FCHO2: variants seen among roughly 807,000 people sequenced by gnomAD.
FCHO2 encodes the protein FCH and mu domain containing endocytic adaptor 2, also known as F-BAR domain only protein 2.
In FCHO2, 43 loss-of-function variants were observed where a neutral mutation model predicts 114.1. That is an observed-to-expected ratio of 0.38 (90% CI 0.30 to 0.49). FCHO2 has a LOEUF of 0.49. Among genes scored for constraint, FCHO2 ranks in the 20% least tolerant of loss-of-function variants. The pLI is 0.97. For missense variants in FCHO2, 807 were observed against 950.4 expected, an observed-to-expected ratio of 0.85 and a Z score of 1.98; for synonymous variants, 293 against 315.2, an observed-to-expected ratio of 0.93 and a Z score of 0.75.
At chr5:73,054,637 A>G in intron 15 of FCHO2, 88 bp downstream of exon 15, 1 of 1,003,936 alleles carries the variant, frequency 1.0e-6, no homozygotes, top group South Asian at 1.5e-5. Flanking sequence ...TGTAGAAATA[A>G]ATGATCTTTT....
chr5:72,998,310 AC>A (rs1282069792), intron 5 of FCHO2, among the ~76,000 whole-genome samples: 1 of 151,908 alleles, frequency 6.6e-6, no homozygotes, highest in African/African-American at 2.4e-5. Flanking sequence ...ACACGGTGAA[AC>A]CCCATCTCTA....
At chr5:72,967,924 A>G (rs1217142593) in intron 1 of FCHO2, among the ~76,000 whole-genome samples, 1 of 135,262 alleles carries the variant, frequency 7.4e-6, no homozygotes, top group African/African-American at 2.8e-5. Context: ...CTGGCCTCAT[A>G]CTTAATTTTT....
chr5:73,051,325 A>T, intron 11 of FCHO2, 24 bp from the exon 12 acceptor site: 2 of 1,471,660 alleles, frequency 1.4e-6, no homozygotes, highest in Non-Finnish European at 1.8e-6. Context: ...TTGTCATTAT[A>T]ATTTTTTTTT....
chr5:73,058,511 T>C lies in FCHO2; in HGVS notation c.1332T>C (p.Thr444=). ...ATTCATCTTCTTCATCTTCACTAAC[T>C]TCATCATCATCAGGTAAATATATAT... The part of the protein sequence containing the change: ...SLDSSSSSSL[T]SSSSARPTTP... The change falls in exon 17 of 26, where the codon ACT becomes ACC. Residue 444 remains threonine (T), a synonymous_variant. Transcript: ENST00000430046. The C allele has an allele frequency of 1.5e-6, 2 of 1,379,090 alleles. No homozygotes were observed. The highest frequency in any genetic ancestry group is 2.0e-6 in the Non-Finnish European group (2 of 989,320). 85.4% of individuals were successfully genotyped at this position (1,379,090 alleles called of 1,614,324 possible).
intron 11 of FCHO2, among the ~76,000 whole-genome samples, chr5:73,047,551 A>G (rs1195200333): frequency 6.0e-5 from 9 of 150,508 alleles, no homozygotes; most frequent in Non-Finnish European, 7.4e-5. Context: ...TAGTTCATAG[A>G]AACTTTTTTC....
chr5:72,999,380 T>G (rs1441018313), intron 5 of FCHO2, among the ~76,000 whole-genome samples: 1 of 69,320 alleles, frequency 1.4e-5, no homozygotes, highest in Non-Finnish European at 2.3e-5. Context: ...TCACAGGCCT[T>G]TTTTTTTTTT....
chr5:73,004,108 C>G lies in FCHO2; in HGVS notation c.496-2337C>G, dbSNP rs1178855665. Among the ~76,000 whole-genome samples, 4 of 147,644 alleles carry G rather than the reference C, an allele frequency of 2.7e-5. No individual in the cohort carries two copies. In the East Asian group the frequency reaches 8.0e-4, roughly 29 times the overall value. On this transcript the variant is annotated intron_variant, in intron 5 of 25. Coordinates refer to ENST00000430046, the MANE Select transcript of FCHO2 (RefSeq NM_138782.3). Reference sequence around the variant, plus strand: ...AAGGACTGTAGGTCGTTTGATTGCTCTTATACTCACTGAAAATACAGGTAT... The same window carrying G: ...AAGGACTGTAGGTCGTTTGATTGCTGTTATACTCACTGAAAATACAGGTAT...
rs144549220 is a variant in FCHO2 at position 73,059,260 on chromosome 5, C to T, written c.1345+736C>T. ...GGGTTAAGGAAGCGCTGGAATCATG[C>T]GGGAAGAACTTAAATCTGTCTAGTT... On this transcript the variant is annotated intron_variant, in intron 17 of 25. Coordinates refer to ENST00000430046, the MANE Select transcript of FCHO2 (RefSeq NM_138782.3). Among the ~76,000 whole-genome samples, 15 of 152,224 alleles carry T rather than the reference C, an allele frequency of 9.9e-5. 3 individuals are homozygous for T. Among genetic ancestry groups the T allele is most frequent in the African/African-American group, 7.2e-5 (3 of 41,556 alleles).
intron 5 of FCHO2, among the ~76,000 whole-genome samples, chr5:72,998,579 A>G (rs1400551864): frequency 6.6e-6 from 1 of 152,004 alleles, no homozygotes; most frequent in Non-Finnish European, 1.5e-5. Flanking sequence ...TATGGGTTTC[A>G]TATCATTAAT....
intron 5 of FCHO2, 59 bp downstream of exon 5, chr5:72,990,923 C>A: frequency 6.8e-7 from 1 of 1,480,382 alleles, no homozygotes; most frequent in South Asian, 1.4e-5. Flanking sequence ...TACAAAATTG[C>A]ATTTAACATT....
intron 2 of FCHO2, among the ~76,000 whole-genome samples, chr5:72,982,081 A>C (rs144405509): frequency 6.6e-6 from 1 of 152,100 alleles, no homozygotes; most frequent in South Asian, 2.1e-4. Flanking sequence ...GGTTGCAAAG[A>C]CTGTGGGAAA....
At chr5:73,064,017 C>A (rs1167919799) in intron 18 of FCHO2, 73 bp downstream of exon 18, 9 of 1,358,050 alleles carry the variant, frequency 6.6e-6, no homozygotes, top group Non-Finnish European at 8.2e-6. Context: ...TTCTATATGC[C>A]CTTTTACAGT....
intron 24 of FCHO2, among the ~76,000 whole-genome samples, chr5:73,086,968 G>C (rs894089855): frequency 6.6e-6 from 1 of 152,104 alleles, no homozygotes; most frequent in African/African-American, 2.4e-5. Flanking sequence ...GTGCTTTTGT[G>C]CCTGTAGCTC....
chr5:72,965,618 G>A (rs1306769066), intron 1 of FCHO2, among the ~76,000 whole-genome samples: 13 of 152,208 alleles, frequency 8.5e-5, no homozygotes, highest in Admixed American at 8.5e-4. Context: ...GCACTGGAGA[G>A]CTGTCATTGC....
intron 6 of FCHO2, among the ~76,000 whole-genome samples, chr5:73,011,155 T>C (rs1754988028): frequency 6.6e-6 from 1 of 152,176 alleles, no homozygotes; most frequent in Non-Finnish European, 1.5e-5. Flanking sequence ...GGACTGGAAG[T>C]TGCTCTGGTT....
intron 5 of FCHO2, among the ~76,000 whole-genome samples, chr5:72,994,982 AG>A (rs1754006574): frequency 6.6e-6 from 1 of 152,090 alleles, no homozygotes; most frequent in Non-Finnish European, 1.5e-5. Context: ...GAAGGGAAGA[AG>A]GAGAGGATCA....
chr5:73,089,681 T>C lies in FCHO2; in HGVS notation c.*1591T>C, dbSNP rs1236440887. 1 of 152,530 alleles carries C rather than the reference T, an allele frequency of 6.6e-6. No homozygotes were observed. 9.4% of individuals were successfully genotyped at this position (152,530 alleles called of 1,614,324 possible). On this transcript the variant is annotated 3_prime_UTR_variant, in exon 26 of 26. Transcript: ENST00000430046. ...AAGTGATAAATTGTGTTATATATGA[T>C]AATTTATATAAAACCACTAATTGTT...
Position 73,090,157 on chromosome 5 carries a change from A to C in FCHO2, c.*2067A>C, listed in dbSNP as rs1293943764. The C allele has an allele frequency of 6.6e-6, 1 of 152,624 alleles. No individual in the cohort carries two copies. Among genetic ancestry groups the C allele is most frequent in the Non-Finnish European group, 1.5e-5 (1 of 68,000 alleles). 9.5% of individuals were successfully genotyped at this position (152,624 alleles called of 1,614,324 possible). ...CACTTTCTTAGTTACCACAGTCTTC[A>C]TACCAAGTATTGGGTACAGGTTACA... On this transcript the variant is annotated 3_prime_UTR_variant, in exon 26 of 26. Transcript: ENST00000430046.
rs1757585543 is a variant in FCHO2 at position 73,056,209 on chromosome 5, A to G, written c.1253+102A>G. The G allele has an allele frequency of 2.9e-5, 24 of 839,672 alleles. 2 individuals carry two copies. In the South Asian group the frequency reaches 4.4e-4, roughly 15 times the overall value. The allele number at this position is 839,672 out of a possible 1,614,324, so 52.0% of individuals were successfully genotyped here. ...ATGGAAAGCACAGAGATTTCCCTTT[A>G]TGCTCCCTGCCCCTTCATATGCCCA... On this transcript the variant is annotated intron_variant, in intron 16 of 25. Coordinates refer to ENST00000430046, the MANE Select transcript of FCHO2 (RefSeq NM_138782.3).
Sources: allele counts gnomAD v4.1 joint callset (sites outside exome capture counted in the v4.1 genomes callset), GRCh38; gene constraint gnomAD v4.1.1; transcripts MANE v1.5; gene names NCBI Gene and HGNC (gene_info 2026-07-23, HGNC 2026-07-21).